The following ALG11 variants were observed in gnomAD, a reference collection of about 807,000 sequenced individuals.
The protein encoded by ALG11 is ALG11 alpha-1,2-mannosyltransferase, also known as GDP-Man:Man(3)GlcNAc(2)-PP-Dol alpha-1,2-mannosyltransferase.
In ALG11, 26 loss-of-function variants were observed where a neutral mutation model predicts 38.8. That is an observed-to-expected ratio of 0.67 (90% confidence interval 0.49 to 0.93). The LOEUF is 0.93. Ranked by LOEUF, ALG11 falls within the 40% of genes least tolerant of loss-of-function variation. The probability of loss-of-function intolerance (pLI) is 0.00; values close to 1 mark genes in which losing one functional copy is unlikely to be tolerated. For missense variants in ALG11, 535 were observed against 578.8 expected, an observed-to-expected ratio of 0.92 and a Z score of 0.78; for synonymous variants, 199 against 211.6, an observed-to-expected ratio of 0.94 and a Z score of 0.52.
intron 1 of ALG11, among the ~76,000 whole-genome samples, chr13:52,013,439 C>T (rs1954104223): frequency 2.0e-5 from 3 of 152,224 alleles, no homozygotes; most frequent in Non-Finnish European, 1.5e-5. Flanking sequence ...TCTTCCCTGT[C>T]ATACGTAATA....
chr13:52,012,440 T>A lies in ALG11; in HGVS notation c.22T>A (p.Trp8Arg). The A allele has an allele frequency of 6.2e-7, 1 of 1,614,066 alleles. No homozygotes were observed. The highest frequency in any genetic ancestry group is 8.5e-7 in the Non-Finnish European group (1 of 1,180,036). ...GAAGATGGCGGCCGGCGAAAGGAGC[T>A]GGTGCCTGTGCAAGTTGTTGAGGTG... MAAGERS[W>R]CLCKLLRFFY... The change falls in exon 1 of 4, where the codon TGG becomes AGG. Residue 8 changes from tryptophan (W) to arginine (R), a missense_variant. Coordinates refer to ENST00000521508, the MANE Select transcript of ALG11 (RefSeq NM_001004127.3).
At position 52,030,556 on chromosome 13, in the gene ALG11, T is replaced by C; in HGVS notation, c.*1966T>C. On this transcript the variant is annotated 3_prime_UTR_variant, in exon 4 of 4. Coordinates refer to ENST00000521508, the MANE Select transcript of ALG11 (RefSeq NM_001004127.3). ...CCACAATAATAGAGGAGCTGGAAGA[T>C]GAAGAGGAGAGAGACCAAAGGCAGA... 1 of 1,614,070 alleles carries C rather than the reference T, an allele frequency of 6.2e-7. No individual in the cohort carries two copies. Among genetic ancestry groups the C allele is most frequent in the Non-Finnish European group, 8.5e-7 (1 of 1,180,020 alleles).
rs1257457866 is a variant in ALG11 at position 52,024,287 on chromosome 13, A to G, written c.557A>G (p.Lys186Arg). 6.2e-7 allele frequency: 1 copy of G among 1,614,132 alleles called. No homozygotes were observed. Among genetic ancestry groups the G allele is most frequent in the South Asian group, 1.1e-5 (1 of 91,086 alleles). ...MGYAFTLPLF[K>R]YIGGCQVGSY... ...TACGCTTTTACGCTTCCTCTGTTTA[A>G]GTATATAGGGGGTTGCCAAGTTGGA... The change falls in exon 3 of 4, where the codon AAG becomes AGG. Residue 186 changes from lysine (K) to arginine (R), a missense_variant. Coordinates refer to ENST00000521508, the MANE Select transcript of ALG11 (RefSeq NM_001004127.3).
rs113815469 is a variant in ALG11 at position 52,028,983 on chromosome 13, T to G, written c.*393T>G. 10 of 1,614,220 alleles carry G rather than the reference T, an allele frequency of 6.2e-6. No individual in the cohort carries two copies. In the African/African-American group the frequency reaches 6.7e-5, roughly 11 times the overall value. On this transcript the variant is annotated 3_prime_UTR_variant, in exon 4 of 4. Coordinates refer to ENST00000521508, the MANE Select transcript of ALG11 (RefSeq NM_001004127.3). ...CTTGATGGAAAGAATAGGCGGAAATTGGCTGAGAGGTCTGAGGCTAGTCTG... is the reference window on the plus strand; with the variant it reads ...CTTGATGGAAAGAATAGGCGGAAATGGGCTGAGAGGTCTGAGGCTAGTCTG...
chr13:52,023,000 G>T (rs982692358), intron 2 of ALG11: 1 of 152,224 alleles, frequency 6.6e-6, no homozygotes, highest in Non-Finnish European at 1.5e-5. Flanking sequence ...ATTATAAACA[G>T]AGGGAGACCA....
At position 52,031,767 on chromosome 13, in the gene ALG11, GCTT is replaced by G. The variant is rs1011196829; in HGVS notation, c.*3182_*3184del. ...GTTAGCACATCTGGGCCTACCTTCA[GCTT>G]CTTCATTTACAAACTTCTGACCTTT... On this transcript the variant is annotated 3_prime_UTR_variant, in exon 4 of 4. Coordinates refer to ENST00000521508, the MANE Select transcript of ALG11 (RefSeq NM_001004127.3). 1 of 167,088 alleles carries G rather than the reference GCTT, an allele frequency of 6.0e-6. No individual in the cohort carries two copies. The highest frequency in any genetic ancestry group is 6.5e-5 in the Admixed American group (1 of 15,278). 10.4% of individuals were successfully genotyped at this position (167,088 alleles called of 1,614,324 possible). A position where few individuals can be genotyped will look rare whatever the true frequency, so the allele number is the denominator to read the frequency against.
chr13:52,019,190 T>A (rs770800567), intron 2 of ALG11, 47 bp downstream of exon 2: 1 of 1,282,070 alleles, frequency 7.8e-7, no homozygotes, highest in Non-Finnish European at 1.1e-6. Context: ...GTTCCATTTC[T>A]TAAAAATTAT....
intron 3 of ALG11, 23 bp from the exon 4 acceptor site, chr13:52,028,296 A>G: frequency 1.2e-6 from 2 of 1,614,082 alleles, no homozygotes; most frequent in South Asian, 1.1e-5. Context: ...AAAAGATTAC[A>G]TGATTTGTGT....
chr13:52,030,130 C>G lies in ALG11; in HGVS notation c.*1540C>G. 3.1e-6 allele frequency: 5 copies of G among 1,614,190 alleles called. No homozygotes were observed. Among genetic ancestry groups the G allele is most frequent in the Non-Finnish European group, 4.2e-6 (5 of 1,180,042 alleles). On this transcript the variant is annotated 3_prime_UTR_variant, in exon 4 of 4. Coordinates refer to ENST00000521508, the MANE Select transcript of ALG11 (RefSeq NM_001004127.3). ...TCAACCAGGATGCTGAGCCAGCAAG[C>G]AGTCAAGAAACAAAAGATTCTAGCA...
At chr13:52,015,737 A>T (rs1217801207) in intron 1 of ALG11, 3 of 152,560 alleles carry the variant, frequency 2.0e-5, no homozygotes, top group African/African-American at 7.2e-5. Context: ...GAGGCCTCAT[A>T]GCCATGTGGA....
At position 52,019,103 on chromosome 13, in the gene ALG11, G is replaced by A. The variant is rs1207909845; in HGVS notation, c.235G>A (p.Glu79Lys). The change falls in exon 2 of 4, where the codon GAA (glutamate) becomes AAA (lysine). Residue 79 changes from glutamate (E) to lysine (K), a missense_variant. Glu to Lys is a moderately conservative substitution (Grantham distance 56). Coordinates refer to ENST00000521508, the MANE Select transcript of ALG11 (RefSeq NM_001004127.3). ...HPYCNAGGGGERVLWCALRAL... is the reference protein window; with the variant it reads ...HPYCNAGGGGKRVLWCALRAL... ...ATACTGCAATGCTGGTGGAGGAGGA[G>A]AAAGAGTTTTATGGTGTGCTTTAAG... 1.2e-6 allele frequency: 2 copies of A among 1,612,082 alleles called. No homozygotes were observed. The highest frequency in any genetic ancestry group is 1.7e-6 in the Non-Finnish European group (2 of 1,178,798).
At position 52,024,247 on chromosome 13, in the gene ALG11, A is replaced by G. The variant is rs780212123; in HGVS notation, c.517A>G (p.Ile173Val). The G allele has an allele frequency of 9.3e-6, 15 of 1,614,158 alleles. No homozygotes were observed. Among genetic ancestry groups the G allele is most frequent in the South Asian group, 3.3e-5 (3 of 91,088 alleles). Residue 173 changes from isoleucine (I) to valine (V), a missense_variant, in exon 3 of 4, where the codon ATT (isoleucine) becomes GTT (valine). Physicochemically the swap from Ile to Val is conservative, Grantham distance 29. Coordinates refer to ENST00000521508, the MANE Select transcript of ALG11 (RefSeq NM_001004127.3). ...AATGCAGTGTGTTCCTGATGTTTAC[A>G]TTGATTCAATGGGATACGCTTTTAC... Reference protein sequence around the residue: ...ALMQCVPDVYIDSMGYAFTLP... With the variant: ...ALMQCVPDVYVDSMGYAFTLP...
rs561303905 is a variant in ALG11, at chr13:52,025,338, C to G, written c.1207+401C>G. On this transcript the variant is annotated intron_variant, in intron 3 of 3. Coordinates refer to ENST00000521508, the MANE Select transcript of ALG11 (RefSeq NM_001004127.3). Reference sequence around the variant, plus strand: ...AGATAGCCCCTGCTCTTAACAGCAACATTTTCTCTCTCCATCTAACCCCAC... The same window carrying G: ...AGATAGCCCCTGCTCTTAACAGCAAGATTTTCTCTCTCCATCTAACCCCAC... 3.7e-4 allele frequency among the ~76,000 whole-genome samples: 56 copies of G among 152,310 alleles called. 1 individual carries two copies. In the South Asian group the frequency reaches 0.011, roughly 31 times the overall value.
chr13:52,020,112 T>C (rs1310753813), intron 2 of ALG11, among the ~76,000 whole-genome samples: 1 of 152,208 alleles, frequency 6.6e-6, no homozygotes, highest in Non-Finnish European at 1.5e-5. Context: ...CAGGCAGTTG[T>C]GGCACACAGG....
Position 52,028,911 on chromosome 13 carries a change from G to A in ALG11, c.*321G>A. On this transcript the variant is annotated 3_prime_UTR_variant, in exon 4 of 4. Transcript: ENST00000521508. ...AGTGAAAATGAAGATGAGGGGGACA[G>A]TGATGGAGAGAGAAAGCATCAAAAG... 1.9e-6 allele frequency: 3 copies of A among 1,614,256 alleles called. No individual in the cohort carries two copies. In the South Asian group the frequency reaches 3.3e-5, roughly 18 times the overall value.
At position 52,024,326 on chromosome 13, in the gene ALG11, A is replaced by T. The variant is rs762429399; in HGVS notation, c.596A>T (p.Tyr199Phe). Residue 199 changes from tyrosine (Y) to phenylalanine (F), a missense_variant, in exon 3 of 4, where the codon TAT becomes TTT. Coordinates refer to ENST00000521508, the MANE Select transcript of ALG11 (RefSeq NM_001004127.3). ...GGCQVGSYVH[Y>F]PTISTDMLSV... is the part of the protein sequence containing the mutation. ...TGCCAAGTTGGAAGCTATGTTCATT[A>T]TCCTACTATCAGCACCGACATGCTC... 1.9e-6 allele frequency: 3 copies of T among 1,614,198 alleles called. No individual in the cohort carries two copies. Among genetic ancestry groups the T allele is most frequent in the Non-Finnish European group, 2.5e-6 (3 of 1,180,040 alleles).
Position 52,028,392 on chromosome 13 carries a change from G to C in ALG11, c.1281G>C (p.Val427=). ...HNSGGPKLDI[V]VPHEGDITGF... ...CGGGGGGCCCAAAGCTTGACATTGTGGTTCCTCACGAAGGAGATATAACTG... is the reference window on the plus strand; with the variant it reads ...CGGGGGGCCCAAAGCTTGACATTGTCGTTCCTCACGAAGGAGATATAACTG... The change falls in exon 4 of 4, where the codon GTG becomes GTC. Residue 427 remains valine (V), a synonymous_variant. Coordinates refer to ENST00000521508, the MANE Select transcript of ALG11 (RefSeq NM_001004127.3). The C allele has an allele frequency of 6.2e-7, 1 of 1,614,096 alleles. No homozygotes were observed. The highest frequency in any genetic ancestry group is 8.5e-7 in the Non-Finnish European group (1 of 1,180,018).
At chr13:52,018,819 A>AAT in intron 1 of ALG11, 94 bp from the exon 2 acceptor site, 1 of 1,000,092 alleles carries the variant, frequency 1.0e-6, no homozygotes, top group Non-Finnish European at 1.5e-6. Context: ...CTTTGTTACT[A>AAT]ATATATAAAG....
Position 52,030,496 on chromosome 13 carries a change from C to G in ALG11, c.*1906C>G. 1 of 1,614,202 alleles carries G rather than the reference C, an allele frequency of 6.2e-7. No individual in the cohort carries two copies. Among genetic ancestry groups the G allele is most frequent in the Non-Finnish European group, 8.5e-7 (1 of 1,180,034 alleles). ...TGATCAACCTACAGAACTTCCTGAC[C>G]ACACAGTCTCCTTCCGTGAGGTCTT... On this transcript the variant is annotated 3_prime_UTR_variant, in exon 4 of 4. Transcript: ENST00000521508.
Sources: gnomAD v4.1 joint callset for allele counts (sites outside exome capture counted in the v4.1 genomes callset) on GRCh38, gnomAD v4.1.1 for gene constraint, MANE v1.5 for transcripts, NCBI Gene and HGNC (gene_info 2026-07-23, HGNC 2026-07-21) for gene names.